TAOK3: variants seen among roughly 807,000 people sequenced by gnomAD.
The protein encoded by TAOK3 is TAO kinase 3.
A neutral mutation model predicts 120.4 loss-of-function variants in TAOK3; 40 were observed. The observed-to-expected ratio is 0.33, with a 90% CI of 0.26 to 0.43. TAOK3 has a LOEUF of 0.43. TAOK3 is among the 20% of genes least tolerant of loss of function. The probability of loss-of-function intolerance (pLI) is 1.00; values close to 1 mark genes in which losing one functional copy is unlikely to be tolerated. For synonymous variants in TAOK3, 355 were observed against 387.5 expected, an observed-to-expected ratio of 0.92 and a Z score of 0.99; for missense variants, 821 against 1,112.1, an observed-to-expected ratio of 0.74 and a Z score of 3.72.
chr12:118,206,952 G>A (rs531481259), intron 11 of TAOK3, among the ~76,000 whole-genome samples: 4 of 151,946 alleles, frequency 2.6e-5, no homozygotes, highest in Non-Finnish European at 4.4e-5. Flanking sequence ...GAATGCCCTC[G>A]GACTCTTTTA....
In TAOK3 at chr12:118,367,970, A is replaced by AT. The variant is rs572753623; in HGVS notation, c.-194+4677dup. ...AATGTTTATTCAGGTTGGCTTAAACATTACACCAAATTAGATATCAAGGTA... is the reference window on the plus strand; with the variant it reads ...AATGTTTATTCAGGTTGGCTTAAACATTTACACCAAATTAGATATCAAGGTA... On this transcript the variant is annotated intron_variant, in intron 1 of 20. Transcript: ENST00000392533. Among the ~76,000 whole-genome samples, 1,311 of 152,342 alleles carry AT rather than the reference A, an allele frequency of 8.6e-3. 33 individuals carry two copies. The highest frequency in any genetic ancestry group is 0.083 in the South Asian group (399 of 4,830).
intron 14 of TAOK3, among the ~76,000 whole-genome samples, chr12:118,182,625 T>TATA (rs35580550): frequency 0.063 from 3,499 of 55,586 alleles, 69 homozygotes; most frequent in Admixed American, 0.12. Context: ...ATATATATAT[T>TATA]TTTTTTTTTT....
chr12:118,182,165 A>G (rs1169015358), intron 14 of TAOK3, among the ~76,000 whole-genome samples: 1 of 152,174 alleles, frequency 6.6e-6, no homozygotes, highest in African/African-American at 2.4e-5. Flanking sequence ...AGCCTGGGTG[A>G]CAGAGACTCT....
At chr12:118,265,413 AAG>A (rs1241484939) in intron 2 of TAOK3, among the ~76,000 whole-genome samples, 1 of 151,496 alleles carries the variant, frequency 6.6e-6, no homozygotes, top group African/African-American at 2.4e-5. Flanking sequence ...AAAAAAAAAA[AAG>A]CTATTCTGAA....
chr12:118,264,516 TAA>T (rs2041360657), intron 2 of TAOK3, among the ~76,000 whole-genome samples: 1 of 152,084 alleles, frequency 6.6e-6, no homozygotes, highest in African/African-American at 2.4e-5. Context: ...CAAACTAATT[TAA>T]AGAGATAGAA....
At chr12:118,343,233 G>A (rs1243305803) in intron 1 of TAOK3, among the ~76,000 whole-genome samples, 3 of 151,902 alleles carry the variant, frequency 2.0e-5, no homozygotes, top group African/African-American at 7.3e-5. Context: ...TTCAAGACCA[G>A]CCTGGCCAAC....
rs79932870 is a variant in TAOK3, at chr12:118,160,138, C to T, written c.2352+8G>A. The T allele has an allele frequency of 7.8e-3, 12,518 of 1,611,774 alleles. 422 individuals carry two copies. The highest frequency in any genetic ancestry group is 0.074 in the Admixed American group (4,452 of 60,014). Reference sequence around the variant, plus strand: ...CTCGAAGCCGTGGCACCAAACCTAACCACTTACCGCTTGAGAGGCCATCAT... The same window carrying T: ...CTCGAAGCCGTGGCACCAAACCTAATCACTTACCGCTTGAGAGGCCATCAT... On this transcript the variant is annotated splice_region_variant and intron_variant, in intron 19 of 20. Transcript: ENST00000392533. The surrounding 1 kb of genome is among the most constrained non-coding windows in gnomAD (Gnocchi z 4.2).
intron 10 of TAOK3, 65 bp from the exon 11 acceptor site, chr12:118,213,060 A>C (rs12300222): frequency 1.2e-5 from 12 of 1,038,938 alleles, no homozygotes; most frequent in African/African-American, 1.6e-5. Flanking sequence ...ATTACTTAAA[A>C]CAATTTTCAT....
intron 1 of TAOK3, among the ~76,000 whole-genome samples, chr12:118,344,626 C>G (rs2044774836): frequency 6.6e-6 from 1 of 152,082 alleles, no homozygotes; most frequent in African/African-American, 2.4e-5. Context: ...TCTCTCTCCA[C>G]TGTCTCAATT....
At chr12:118,338,908 G>T (rs190461284) in intron 1 of TAOK3, among the ~76,000 whole-genome samples, 4 of 151,698 alleles carry the variant, frequency 2.6e-5, no homozygotes, top group African/African-American at 9.7e-5. Context: ...CAAGATAGGA[G>T]ATGGGAAGTG....
chr12:118,182,548 T>C (rs1173949144), intron 14 of TAOK3, among the ~76,000 whole-genome samples: 2 of 149,348 alleles, frequency 1.3e-5, no homozygotes, highest in Non-Finnish European at 3.0e-5. Flanking sequence ...ATTCCTCTAG[T>C]TGAGAACTAC....
intron 5 of TAOK3, among the ~76,000 whole-genome samples, chr12:118,239,762 C>T (rs1464680829): frequency 1.3e-5 from 2 of 152,152 alleles, no homozygotes; most frequent in South Asian, 2.1e-4. Flanking sequence ...TTGTTTTGAA[C>T]TGAATCTGAA....
intron 1 of TAOK3, among the ~76,000 whole-genome samples, chr12:118,366,407 T>C (rs1386632582): frequency 3.3e-5 from 5 of 152,346 alleles, no homozygotes; most frequent in East Asian, 1.9e-4. Flanking sequence ...TCTATTGTAA[T>C]GGGTAAATAA....
At chr12:118,154,744 T>C (rs946747807) in intron 19 of TAOK3, among the ~76,000 whole-genome samples, 1 of 152,040 alleles carries the variant, frequency 6.6e-6, no homozygotes, top group Non-Finnish European at 1.5e-5. Context: ...CCCAGCTCCA[T>C]TAAAAAGTTT....
chr12:118,339,668 C>A (rs1048665039), intron 1 of TAOK3, among the ~76,000 whole-genome samples: 1 of 151,732 alleles, frequency 6.6e-6, no homozygotes, highest in African/African-American at 2.4e-5. Flanking sequence ...CGGGTTCAAG[C>A]GATTCTGCCT....
In TAOK3 at chr12:118,150,971, TTTTG is replaced by T. The variant is rs777988079; in HGVS notation, c.*22_*25del. On this transcript the variant is annotated 3_prime_UTR_variant, in exon 21 of 21. Transcript: ENST00000392533. ...TTTCTGTTTTCTTTTTTTTTTTTTT[TTTTG>T]TAAATGGCAAAAAATTTAATCTCAT... 16 of 1,536,180 alleles carry T rather than the reference TTTTG, an allele frequency of 1.0e-5. No homozygotes were observed. Among genetic ancestry groups the T allele is most frequent in the South Asian group, 3.7e-5 (3 of 80,878 alleles).
intron 1 of TAOK3, among the ~76,000 whole-genome samples, chr12:118,273,799 G>C (rs2041811808): frequency 6.6e-6 from 1 of 152,232 alleles, no homozygotes; most frequent in Non-Finnish European, 1.5e-5. Context: ...CTGGGCGACA[G>C]AGCAAGACTT....
At chr12:118,357,099 A>G (rs1241572581) in intron 1 of TAOK3, among the ~76,000 whole-genome samples, 1 of 152,202 alleles carries the variant, frequency 6.6e-6, no homozygotes, top group Non-Finnish European at 1.5e-5. Context: ...TTCATAAGAT[A>G]CTTCTAAAAA....
rs534681445 is a variant in TAOK3, at chr12:118,190,957, A to G, written c.1195-1016T>C. The stretch of plus-strand genomic sequence containing the variant: ...TCAAAAACATGTACAACCATGGGGG[A>G]TTTTAAAATAGTACATGTTCAGGGT... On this transcript the variant is annotated intron_variant, in intron 13 of 20. Coordinates refer to ENST00000392533, the MANE Select transcript of TAOK3 (RefSeq NM_016281.4). Among the ~76,000 whole-genome samples the G allele has an allele frequency of 2.6e-5, 4 of 152,262 alleles. No homozygotes were observed. The East Asian group carries it at 7.7e-4, about 29-fold the overall frequency.
Sources: gnomAD v4.1 joint callset for allele counts (sites outside exome capture counted in the v4.1 genomes callset) on GRCh38, gnomAD v4.1.1 for gene constraint, Gnocchi (gnomAD v3.1) non-coding constraint, MANE v1.5 for transcripts, NCBI Gene and HGNC (gene_info 2026-07-23, HGNC 2026-07-21) for gene names.